LRFN5: variants seen among roughly 807,000 people sequenced by gnomAD.
The protein encoded by LRFN5 is leucine-rich repeat and fibronectin type-III domain-containing protein 5.
In LRFN5, 24 loss-of-function variants were observed where a neutral mutation model predicts 45.6. The ratio of observed to expected loss-of-function variants is 0.53; its 90% CI spans 0.38 to 0.74. The LOEUF (loss-of-function observed/expected upper bound fraction) is 0.74, where lower values mean the gene tolerates loss of function less well. Ranked by LOEUF, LRFN5 falls within the 30% of genes least tolerant of loss-of-function variation. The probability of loss-of-function intolerance (pLI) is 0.00; values close to 1 mark genes in which losing one functional copy is unlikely to be tolerated. For synonymous variants in LRFN5, 340 were observed against 313.8 expected, an observed-to-expected ratio of 1.08 and a Z score of -0.88; for missense variants, 776 against 861.5, an observed-to-expected ratio of 0.90 and a Z score of 1.24.
intron 2 of LRFN5, among the ~76,000 whole-genome samples, chr14:41,773,072 C>A (rs1161784174): frequency 1.3e-5 from 2 of 152,108 alleles, no homozygotes; most frequent in African/African-American, 4.8e-5. Context: ...CAGTAAAGAC[C>A]ATTATTCTTA....
chr14:41,619,303 T>A (rs8007172), intron 1 of LRFN5, among the ~76,000 whole-genome samples: 75,154 of 151,844 alleles, frequency 0.49, 18,696 homozygotes, highest in Non-Finnish European at 0.52. Context: ...ACTCTACAGG[T>A]ATTTGACATA....
At chr14:41,888,578 T>G (rs1890662560) in intron 3 of LRFN5, among the ~76,000 whole-genome samples, 1 of 152,096 alleles carries the variant, frequency 6.6e-6, no homozygotes, top group Non-Finnish European at 1.5e-5. Context: ...TGGTCAAAAA[T>G]AGGATGTAAC....
intron 2 of LRFN5, among the ~76,000 whole-genome samples, chr14:41,849,177 C>T (rs1270643838): frequency 6.6e-6 from 1 of 151,932 alleles, no homozygotes; most frequent in African/African-American, 2.4e-5. Flanking sequence ...TTAGCTATTA[C>T]AAAACCTTAT....
intron 1 of LRFN5, among the ~76,000 whole-genome samples, chr14:41,710,388 T>G (rs966749237): frequency 2.6e-5 from 4 of 152,140 alleles, no homozygotes; most frequent in Non-Finnish European, 4.4e-5. Context: ...ATTTAACATA[T>G]TTTTCTTAAT....
At chr14:41,755,875 A>G (rs956062022) in intron 1 of LRFN5, among the ~76,000 whole-genome samples, 7 of 152,106 alleles carry the variant, frequency 4.6e-5, no homozygotes, top group Non-Finnish European at 1.0e-4. Context: ...GGTCTTTACA[A>G]TTTGGCATGA....
At chr14:41,791,658 A>G (rs868477765) in intron 2 of LRFN5, among the ~76,000 whole-genome samples, 9 of 152,240 alleles carry the variant, frequency 5.9e-5, no homozygotes, top group Admixed American at 5.2e-4. Context: ...TGTTAACAGT[A>G]TCACTGATTA....
At chr14:41,613,184 T>G (rs1008875283) in intron 1 of LRFN5, among the ~76,000 whole-genome samples, 2 of 152,124 alleles carry the variant, frequency 1.3e-5, no homozygotes, top group Admixed American at 6.5e-5. Flanking sequence ...TCATAGACAA[T>G]GTTTAAGTTA....
At chr14:41,781,560 GAA>G (rs1886489164) in intron 2 of LRFN5, among the ~76,000 whole-genome samples, 1 of 13,742 alleles carries the variant, frequency 7.3e-5, no homozygotes, top group South Asian at 3.7e-3. Context: ...AAAAGAAAGA[GAA>G]AGAAAGAAAG....
At chr14:41,746,476 G>A (rs986903178) in intron 1 of LRFN5, among the ~76,000 whole-genome samples, 1 of 151,962 alleles carries the variant, frequency 6.6e-6, no homozygotes, top group African/African-American at 2.4e-5. Context: ...TCAATGGAGT[G>A]GTAGGTCTTT....
In LRFN5 at chr14:41,734,319, TA is replaced by T. The variant is rs1884320490; in HGVS notation, c.-196-32534del. 3.2e-5 allele frequency among the ~76,000 whole-genome samples: 2 copies of T among 61,712 alleles called. 1 individual carries two copies. The highest frequency in any genetic ancestry group is 2.8e-4 in the African/African-American group (2 of 7,122). The allele number at this position is 61,712 out of a possible 152,430, so 40.5% of individuals were successfully genotyped here. A position where few individuals can be genotyped will look rare whatever the true frequency, so the allele number is the denominator to read the frequency against. On this transcript the variant is annotated intron_variant, in intron 1 of 5. Coordinates refer to ENST00000298119, the MANE Select transcript of LRFN5 (RefSeq NM_152447.5). ...AGCCACCTTTCCTGGACTGGTTTTA[TA>T]TATATATATATATATATATATATAT...
intron 2 of LRFN5, among the ~76,000 whole-genome samples, chr14:41,884,983 T>C (rs1167057705): frequency 6.6e-6 from 1 of 152,168 alleles, no homozygotes; most frequent in Non-Finnish European, 1.5e-5. Context: ...CAGGATGATT[T>C]CATATTTATA....
chr14:41,624,462 G>T (rs1047361521), intron 1 of LRFN5, among the ~76,000 whole-genome samples: 2 of 152,046 alleles, frequency 1.3e-5, no homozygotes, highest in Non-Finnish European at 2.9e-5. Flanking sequence ...GGTTAACAGC[G>T]AAAGTAGCAT....
At chr14:41,764,396 C>T (rs1448338512) in intron 1 of LRFN5, among the ~76,000 whole-genome samples, 1 of 151,950 alleles carries the variant, frequency 6.6e-6, no homozygotes, top group Non-Finnish European at 1.5e-5. Flanking sequence ...GTAGCTGGCA[C>T]ATAGTAAATC....
chr14:41,704,142 G>A (rs1882950383), intron 1 of LRFN5, among the ~76,000 whole-genome samples: 1 of 152,110 alleles, frequency 6.6e-6, no homozygotes, highest in Admixed American at 6.5e-5. Flanking sequence ...ACCTTTACCA[G>A]TGGCTACTGC....
intron 2 of LRFN5, among the ~76,000 whole-genome samples, chr14:41,880,118 G>A (rs1434648373): frequency 3.3e-5 from 5 of 151,140 alleles, no homozygotes; most frequent in South Asian, 2.1e-4. Context: ...TAGTAGAGAT[G>A]GGGTTTCACC....
chr14:41,775,653 C>T (rs1351281863), intron 2 of LRFN5, among the ~76,000 whole-genome samples: 1 of 152,062 alleles, frequency 6.6e-6, no homozygotes, highest in East Asian at 1.9e-4. Context: ...ATACCTACTG[C>T]AGTAATGATT....
intron 2 of LRFN5, among the ~76,000 whole-genome samples, chr14:41,835,071 T>C (rs1246116050): frequency 6.6e-6 from 1 of 151,224 alleles, no homozygotes; most frequent in Non-Finnish European, 1.5e-5. Context: ...GAAAGCAAAG[T>C]TTTTTCATCA....
intron 4 of LRFN5, among the ~76,000 whole-genome samples, chr14:41,898,149 C>T (rs933750174): frequency 1.1e-4 from 16 of 151,990 alleles, no homozygotes; most frequent in Non-Finnish European, 1.5e-4. Context: ...GTCTCAATCT[C>T]GTGACACTCA....
At chr14:41,657,941 A>C (rs1194098110) in intron 1 of LRFN5, among the ~76,000 whole-genome samples, 1 of 151,712 alleles carries the variant, frequency 6.6e-6, no homozygotes, top group Non-Finnish European at 1.5e-5. Context: ...AAAAAAAAAA[A>C]CCTCTGACCT....
Sources: gnomAD v4.1 joint callset for allele counts (sites outside exome capture counted in the v4.1 genomes callset) on GRCh38, gnomAD v4.1.1 for gene constraint, MANE v1.5 for transcripts, NCBI Gene and HGNC (gene_info 2026-07-23, HGNC 2026-07-21) for gene names.